The following FEM1C variants were observed in gnomAD, a reference collection of about 807,000 sequenced individuals.
FEM1C encodes the protein protein fem-1 homolog C.
In FEM1C, 15 loss-of-function variants were observed where a neutral mutation model predicts 37.6. That is an observed-to-expected ratio of 0.40 (90% CI 0.27 to 0.61). The LOEUF (loss-of-function observed/expected upper bound fraction) is 0.61, where lower values mean the gene tolerates loss of function less well. Ranked by LOEUF, FEM1C falls within the 20% of genes least tolerant of loss-of-function variation. FEM1C has a pLI of 0.42. For synonymous variants in FEM1C, 287 were observed against 272.8 expected (o/e 1.05, Z -0.51); for missense variants, 532 against 749.7 (o/e 0.71, Z 3.39).
At chr5:115,536,055 G>A (rs529064035) in intron 2 of FEM1C, among the ~76,000 whole-genome samples, 2 of 151,906 alleles carry the variant, frequency 1.3e-5, no homozygotes, top group African/African-American at 4.8e-5. Context: ...CCTAAGACTA[G>A]TGCAGTTTCA....
chr5:115,543,615 C>T lies in FEM1C; in HGVS notation c.-122G>A. On this transcript the variant is annotated 5_prime_UTR_variant, in exon 2 of 3. Transcript: ENST00000274457. ...CAATGTTAATTGCTGCACCCCAGAA[C>T]GGATACACAACCACGAAGAGTATGT... 1.4e-6 allele frequency: 2 copies of T among 1,458,828 alleles called. No individual in the cohort carries two copies. The highest frequency in any genetic ancestry group is 4.7e-5 in the East Asian group (2 of 42,580). 90.4% of individuals were successfully genotyped at this position (1,458,828 alleles called of 1,614,324 possible).
chr5:115,524,691 C>T lies in FEM1C; in HGVS notation c.1471G>A (p.Asp491Asn). 6.5e-7 allele frequency: 1 copy of T among 1,545,102 alleles called. No homozygotes were observed. Among genetic ancestry groups the T allele is most frequent in the Non-Finnish European group, 8.7e-7 (1 of 1,150,468 alleles). ...NNFSPLHLAV[D>N]KNTTCVGRYP... is the part of the protein sequence containing the mutation. ...CGCCCTACACATGTAGTATTCTTGTCCACAGCCAGATGAAGAGGGCTGAAG... is the reference window on the plus strand; with the variant it reads ...CGCCCTACACATGTAGTATTCTTGTTCACAGCCAGATGAAGAGGGCTGAAG... Residue 491 changes from aspartate to asparagine, a missense_variant, in exon 3 of 3, where the codon GAC (aspartate) becomes AAC (asparagine). Asp to Asn is a conservative substitution (Grantham distance 23). Around this residue, in one of 3 missense-constraint regions of FEM1C, gnomAD observed 237 missense variants for 260.5 expected, o/e 0.91. Coordinates refer to ENST00000274457, the MANE Select transcript of FEM1C (RefSeq NM_020177.3).
rs1232002221 is a variant in FEM1C at position 115,524,734 on chromosome 5, A to G, written c.1428T>C (p.His476=). Residue 476 remains histidine, a synonymous_variant, in exon 3 of 3, where the codon CAT becomes CAC. Coordinates refer to ENST00000274457, the MANE Select transcript of FEM1C (RefSeq NM_020177.3). ...GGCTGAAGTTATTCTTTCCCCTTGG[A>G]TGCAGCTTAAGAAACCTGTATATAG... ...KQTIYRFLKL[H]PRGKNNFSPL... is the part of the protein sequence containing the mutation. The G allele has an allele frequency of 1.9e-6, 3 of 1,541,706 alleles. No homozygotes were observed. Among genetic ancestry groups the G allele is most frequent in the Non-Finnish European group, 2.6e-6 (3 of 1,148,564 alleles).
At position 115,535,128 on chromosome 5, in the gene FEM1C, G is replaced by A. The variant is rs139480055; in HGVS notation, c.544+7822C>T. Among the ~76,000 whole-genome samples, 26 of 151,872 alleles carry A rather than the reference G, an allele frequency of 1.7e-4. No homozygotes were observed. In the East Asian group the frequency reaches 5.0e-3, roughly 29 times the overall value. ...AAGTTTCATCCATGGAAAAGTTCCT[G>A]CATAGTAAATGGCATAGTATCAGTA... is the stretch of plus-strand genomic sequence containing the variant. On this transcript the variant is annotated intron_variant, in intron 2 of 2. Coordinates refer to ENST00000274457, the MANE Select transcript of FEM1C (RefSeq NM_020177.3).
Position 115,523,861 on chromosome 5 carries a change from A to T in FEM1C, c.*447T>A, listed in dbSNP as rs1295024920. 1.2e-5 allele frequency: 2 copies of T among 170,470 alleles called. No individual in the cohort carries two copies. The highest frequency in any genetic ancestry group is 4.8e-5 in the African/African-American group (2 of 41,532). The allele number at this position is 170,470 out of a possible 1,614,324, so 10.6% of individuals were successfully genotyped here. On this transcript the variant is annotated 3_prime_UTR_variant, in exon 3 of 3. Transcript: ENST00000274457. Reference sequence around the variant, plus strand: ...CAACCTAGTATGGGTCCATAAGGAAAAAACTGTAGTAGAAATGGTTAGGAC... The same window carrying T: ...CAACCTAGTATGGGTCCATAAGGAATAAACTGTAGTAGAAATGGTTAGGAC...
Position 115,525,024 on chromosome 5 carries a change from C to A in FEM1C, c.1138G>T (p.Ala380Ser). 6.2e-7 allele frequency: 1 copy of A among 1,613,578 alleles called. No homozygotes were observed. Among genetic ancestry groups the A allele is most frequent in the South Asian group, 1.1e-5 (1 of 91,042 alleles). ...SNLDPLSPMT[A>S]SSLLSFAELF... The stretch of plus-strand genomic sequence containing the variant: ...TCTGCAAAAGATAATAAGCTGCTGG[C>A]GGTCATTGGGCTTAAAGGATCCAAA... Residue 380 changes from alanine to serine, a missense_variant, in exon 3 of 3, where the codon GCC becomes TCC. Physicochemically the swap from Ala to Ser is moderately conservative, Grantham distance 99. Transcript: ENST00000274457.
chr5:115,524,225 G>T lies in FEM1C; in HGVS notation c.*83C>A. 1.9e-6 allele frequency: 2 copies of T among 1,071,396 alleles called. No homozygotes were observed. Among genetic ancestry groups the T allele is most frequent in the Non-Finnish European group, 1.4e-6 (1 of 715,194 alleles). The allele number at this position is 1,071,396 out of a possible 1,614,324, so 66.4% of individuals were successfully genotyped here. On this transcript the variant is annotated 3_prime_UTR_variant, in exon 3 of 3. Transcript: ENST00000274457. ...ATGATATCAATCAAGCTAAATGAAT[G>T]CTGGTGTTATCACAACAGTGCTCAT...
Position 115,522,802 on chromosome 5 carries a change from C to T in FEM1C, c.*1506G>A, listed in dbSNP as rs929450114. 4 of 152,362 alleles carry T rather than the reference C, an allele frequency of 2.6e-5. No homozygotes were observed. The highest frequency in any genetic ancestry group is 9.7e-5 in the African/African-American group (4 of 41,412). The allele number at this position is 152,362 out of a possible 1,614,324, so 9.4% of individuals were successfully genotyped here. On this transcript the variant is annotated 3_prime_UTR_variant, in exon 3 of 3. Coordinates refer to ENST00000274457, the MANE Select transcript of FEM1C (RefSeq NM_020177.3). The stretch of plus-strand genomic sequence containing the variant: ...CAACTTCATTAAGACATTTGCAGGG[C>T]AAATATGCCATCATAAATTTTATTC...
rs778476474 is a variant in FEM1C at position 115,525,179 on chromosome 5, C to T, written c.983G>A (p.Arg328His). 11 of 1,613,440 alleles carry T rather than the reference C, an allele frequency of 6.8e-6. No individual in the cohort carries two copies. Among genetic ancestry groups the T allele is most frequent in the East Asian group, 2.2e-5 (1 of 44,864 alleles). The change falls in exon 3 of 3, where the codon CGT becomes CAT. Residue 328 changes from arginine (R) to histidine (H), a missense_variant. Physicochemically the swap from Arg to His is conservative, Grantham distance 29. Coordinates refer to ENST00000274457, the MANE Select transcript of FEM1C (RefSeq NM_020177.3). ...ATCAGGATGAGAAGGACCAAGAATA[C>T]GTTCTCTGATTAATAGTGCCTGCAT... The part of the protein sequence containing the change: ...MRMQALLIRE[R>H]ILGPSHPDTS...
chr5:115,544,159 C>A, intron 1 of FEM1C: 1 of 985,448 alleles, frequency 1.0e-6, no homozygotes, highest in Non-Finnish European at 1.2e-6. Flanking sequence ...AAGGCCAAAA[C>A]TGTGCCCCGA....
intron 2 of FEM1C, among the ~76,000 whole-genome samples, chr5:115,526,802 A>G (rs1191611205): frequency 6.6e-6 from 1 of 152,100 alleles, no homozygotes; most frequent in Non-Finnish European, 1.5e-5. Context: ...ATAGTTCTCT[A>G]TACTGATCTA....
Position 115,524,443 on chromosome 5 carries a change from T to C in FEM1C, c.1719A>G (p.Ile573Met), listed in dbSNP as rs896048081. The C allele has an allele frequency of 1.2e-6, 2 of 1,613,214 alleles. No individual in the cohort carries two copies. Among genetic ancestry groups the C allele is most frequent in the African/African-American group, 2.7e-5 (2 of 74,868 alleles). ...TASDLLDEKE[I>M]AKNLIQPINH... The stretch of plus-strand genomic sequence containing the variant: ...TTATAGGCTGGATTAAATTTTTAGC[T>C]ATTTCCTTCTCATCCAGCAAGTCAC... The change falls in exon 3 of 3, where the codon ATA becomes ATG. Residue 573 changes from isoleucine to methionine, a missense_variant. Physicochemically the swap from Ile to Met is conservative, Grantham distance 10. This residue lies in a region of FEM1C where 237 missense variants were observed against 260.5 expected (regional missense o/e 0.91). Coordinates refer to ENST00000274457, the MANE Select transcript of FEM1C (RefSeq NM_020177.3).
At chr5:115,529,398 C>T (rs897501097) in intron 2 of FEM1C, among the ~76,000 whole-genome samples, 13 of 151,634 alleles carry the variant, frequency 8.6e-5, no homozygotes, top group African/African-American at 1.5e-4. Context: ...TTTAAAAGCA[C>T]GAAAGAAAAG....
At chr5:115,535,058 C>T (rs1754096241) in intron 2 of FEM1C, among the ~76,000 whole-genome samples, 2 of 151,648 alleles carry the variant, frequency 1.3e-5, no homozygotes, top group Non-Finnish European at 2.9e-5. Context: ...TAAGTTTAAC[C>T]ATATGCCAAA....
rs1327277346 is a variant in FEM1C, at chr5:115,521,679, A to G, written c.*2629T>C. On this transcript the variant is annotated 3_prime_UTR_variant, in exon 3 of 3. Coordinates refer to ENST00000274457, the MANE Select transcript of FEM1C (RefSeq NM_020177.3). Reference sequence around the variant, plus strand: ...AGTCAATAACACCGTGCTACAGTGTACAGTTTAGTTAGACTCAAGAGTGTA... The same window carrying G: ...AGTCAATAACACCGTGCTACAGTGTGCAGTTTAGTTAGACTCAAGAGTGTA... The G allele has an allele frequency of 6.6e-6, 1 of 151,904 alleles. No individual in the cohort carries two copies. Among genetic ancestry groups the G allele is most frequent in the Non-Finnish European group, 1.5e-5 (1 of 67,842 alleles). The allele number at this position is 151,904 out of a possible 1,614,324, so 9.4% of individuals were successfully genotyped here. A position where few individuals can be genotyped will look rare whatever the true frequency, so the allele number is the denominator to read the frequency against.
Position 115,542,956 on chromosome 5 carries a change from C to A in FEM1C, c.538G>T (p.Val180Phe). The change falls in exon 2 of 3, where the codon GTC (valine) becomes TTC (phenylalanine). Residue 180 changes from valine to phenylalanine, a missense_variant. Physicochemically the swap from Val to Phe is conservative, Grantham distance 50 (BLOSUM62 -1). This residue lies in a region of FEM1C where 221 missense variants were observed against 404.1 expected (regional missense o/e 0.55). Transcript: ENST00000274457. ...ACAAAGAAGCTGAACTCACCTTTGACACTTTTTCTATTAACATCTGCCCCC... is the reference window on the plus strand; with the variant it reads ...ACAAAGAAGCTGAACTCACCTTTGAAACTTTTTCTATTAACATCTGCCCCC... ...EKGADVNRKS[V>F]KGNTALHDCA... is the part of the protein sequence containing the mutation. The A allele has an allele frequency of 6.2e-7, 1 of 1,610,108 alleles. No homozygotes were observed. Among genetic ancestry groups the A allele is most frequent in the Non-Finnish European group, 8.5e-7 (1 of 1,177,578 alleles).
chr5:115,524,977 C>A lies in FEM1C; in HGVS notation c.1185G>T (p.Gln395His). 2 of 1,613,742 alleles carry A rather than the reference C, an allele frequency of 1.2e-6. No homozygotes were observed. The highest frequency in any genetic ancestry group is 1.7e-6 in the Non-Finnish European group (2 of 1,179,852). The change falls in exon 3 of 3, where the codon CAG (glutamine) becomes CAT (histidine). Residue 395 changes from glutamine (Q) to histidine (H), a missense_variant. Transcript: ENST00000274457. Reference protein sequence around the residue: ...SFAELFSFMLQDRAKGLLGTT... With the variant: ...SFAELFSFMLHDRAKGLLGTT... ...TACCCAGCAGGCCTTTAGCCCTATCCTGTAGCATAAAGGAGAATAGTTCTG... is the reference window on the plus strand; with the variant it reads ...TACCCAGCAGGCCTTTAGCCCTATCATGTAGCATAAAGGAGAATAGTTCTG...
In FEM1C at chr5:115,543,309, T is replaced by C. The variant is rs780016776; in HGVS notation, c.185A>G (p.Glu62Gly). 1.9e-5 allele frequency: 31 copies of C among 1,614,066 alleles called. No homozygotes were observed. In the East Asian group the frequency reaches 6.9e-4, roughly 36 times the overall value. ...AACTTCTATGGAGGCACTGCATTGC[T>C]CTAGGAGGAATTCCACCATGTCAAG... The part of the protein sequence containing the change: ...GHLDMVEFLL[E>G]QCSASIEVGG... Residue 62 changes from glutamate to glycine, a missense_variant, in exon 2 of 3, where the codon GAG becomes GGG. Physicochemically the swap from Glu to Gly is moderately conservative, Grantham distance 98. Around this residue, in one of 3 missense-constraint regions of FEM1C, gnomAD observed 74 missense variants for 85.0 expected, o/e 0.87. Transcript: ENST00000274457.
In FEM1C at chr5:115,525,549, A is replaced by G; in HGVS notation, c.613T>C (p.Cys205Arg). The change falls in exon 3 of 3, where the codon TGT becomes CGT. Residue 205 changes from cysteine (C) to arginine (R), a missense_variant. Cys to Arg is a radical substitution (Grantham distance 180). Coordinates refer to ENST00000274457, the MANE Select transcript of FEM1C (RefSeq NM_020177.3). ...TAACCATCCTTTTCCATCTTGGCAC[A>G]ATACATAAGAAGCATCTTCATGATG... is the stretch of plus-strand genomic sequence containing the variant. ...LDIMKMLLMY[C>R]AKMEKDGYGM... 1 of 1,613,698 alleles carries G rather than the reference A, an allele frequency of 6.2e-7. No homozygotes were observed. The highest frequency in any genetic ancestry group is 8.5e-7 in the Non-Finnish European group (1 of 1,179,774).
Sources: allele counts gnomAD v4.1 joint callset (sites outside exome capture counted in the v4.1 genomes callset), GRCh38; gene constraint gnomAD v4.1.1; regional missense constraint gnomAD v4.1.1; transcripts MANE v1.5; gene names NCBI Gene and HGNC (gene_info 2026-07-23, HGNC 2026-07-21).